Variants in ITGA9 observed in about 807,000 individuals in gnomAD.
ITGA9 encodes integrin alpha-9.
ITGA9 carries 56 observed loss-of-function variants against 127.8 expected under a neutral mutation model. The observed-to-expected ratio is 0.44, with a 90% CI of 0.35 to 0.55. ITGA9 has a LOEUF of 0.55. Ranked by LOEUF, ITGA9 falls within the 20% of genes least tolerant of loss-of-function variation. ITGA9 has a pLI of 0.00. For synonymous variants in ITGA9, 508 were observed against 514.5 expected (o/e 0.99, Z 0.17); for missense variants, 1,196 against 1,347.1 (o/e 0.89, Z 1.76).
chr3:37,497,322 T>C (rs1249588686), intron 5 of ITGA9, among the ~76,000 whole-genome samples: 1 of 128,100 alleles, frequency 7.8e-6, no homozygotes, highest in Non-Finnish European at 1.7e-5. Context: ...TGGCCAAATC[T>C]ATCAGTCTTT....
chr3:37,563,005 C>G (rs989628450), intron 15 of ITGA9, among the ~76,000 whole-genome samples: 2 of 146,632 alleles, frequency 1.4e-5, no homozygotes, highest in African/African-American at 2.4e-5. Flanking sequence ...TCATTTGTCT[C>G]CATATCCCCA....
intron 8 of ITGA9, among the ~76,000 whole-genome samples, chr3:37,509,727 G>A (rs74504496): frequency 0.038 from 5,773 of 152,156 alleles, 126 homozygotes; most frequent in Non-Finnish European, 0.05. Context: ...GAACTCTGCT[G>A]GCTTGTGTTA....
At chr3:37,721,892 G>T (rs973401718) in intron 18 of ITGA9, among the ~76,000 whole-genome samples, 9 of 152,108 alleles carry the variant, frequency 5.9e-5, no homozygotes, top group Non-Finnish European at 1.3e-4. Context: ...CCCCACCCCA[G>T]GCCCCGTCTG....
At chr3:37,791,080 G>A (rs564491870) in intron 26 of ITGA9, among the ~76,000 whole-genome samples, 2 of 152,214 alleles carry the variant, frequency 1.3e-5, no homozygotes, top group South Asian at 2.1e-4. Flanking sequence ...GTGAGGCTGA[G>A]GGGTGAAGGC....
At chr3:37,455,179 C>T (rs1429388219) in intron 1 of ITGA9, among the ~76,000 whole-genome samples, 2 of 152,146 alleles carry the variant, frequency 1.3e-5, no homozygotes, top group African/African-American at 4.8e-5. Flanking sequence ...GATTGTTGGT[C>T]GCTTACTCCT....
intron 15 of ITGA9, among the ~76,000 whole-genome samples, chr3:37,552,694 C>T (rs1699389801): frequency 6.6e-6 from 1 of 152,050 alleles, no homozygotes; most frequent in Non-Finnish European, 1.5e-5. Flanking sequence ...GTGTATGTTA[C>T]ACACACACAC....
intron 23 of ITGA9, among the ~76,000 whole-genome samples, chr3:37,760,666 C>T (rs1020733935): frequency 3.3e-5 from 5 of 151,904 alleles, no homozygotes; most frequent in Admixed American, 6.5e-5. Flanking sequence ...CAGAAAAAAA[C>T]AAACAAACAA....
chr3:37,511,962 CTCTT>C (rs770771146), intron 8 of ITGA9, among the ~76,000 whole-genome samples: 2,924 of 92,512 alleles, frequency 0.032, 293 homozygotes, highest in South Asian at 0.052. Flanking sequence ...AATGCTTTTT[CTCTT>C]TCTTTTCTTT....
rs1324391177 is a variant in ITGA9 at position 37,814,363 on chromosome 3, C to T, written c.3010-4528C>T. Among the ~76,000 whole-genome samples the T allele has an allele frequency of 6.6e-6, 1 of 152,148 alleles. No homozygotes were observed. Among genetic ancestry groups the T allele is most frequent in the Non-Finnish European group, 1.5e-5 (1 of 68,024 alleles). The stretch of plus-strand genomic sequence containing the variant: ...GGCGGATCATCTGAGGTCAGGAGTT[C>T]AAGATCAGCCTGGCCAACATGGTGA... On this transcript the variant is annotated intron_variant, in intron 27 of 27. Transcript: ENST00000264741. This position sits in a 1 kb window ranked among gnomAD's most constrained non-coding sequence, Gnocchi z 4.3.
chr3:37,811,335 T>C (rs1697365874), intron 27 of ITGA9, among the ~76,000 whole-genome samples: 1 of 152,118 alleles, frequency 6.6e-6, no homozygotes, highest in Non-Finnish European at 1.5e-5. Flanking sequence ...TTCAAGACAA[T>C]CATAAAGGCC....
At chr3:37,559,975 A>G (rs1172801331) in intron 15 of ITGA9, among the ~76,000 whole-genome samples, 2 of 151,902 alleles carry the variant, frequency 1.3e-5, no homozygotes, top group African/African-American at 2.4e-5. Flanking sequence ...ATTATGCTTT[A>G]ACTTCTAGGG....
intron 26 of ITGA9, among the ~76,000 whole-genome samples, chr3:37,791,577 G>A (rs1697110523): frequency 6.6e-6 from 1 of 152,190 alleles, no homozygotes. Flanking sequence ...GCTATCCCTG[G>A]CTTCTCTCTA....
intron 15 of ITGA9, among the ~76,000 whole-genome samples, chr3:37,582,594 T>G (rs1426761999): frequency 1.3e-5 from 2 of 152,228 alleles, no homozygotes; most frequent in Non-Finnish European, 2.9e-5. Context: ...AGTGGTGATG[T>G]TACTTATTGA....
intron 22 of ITGA9, 75 bp downstream of exon 22, chr3:37,744,109 G>T: frequency 1.0e-6 from 1 of 1,002,312 alleles, no homozygotes; most frequent in Non-Finnish European, 1.6e-6. Context: ...CCTACAGAGG[G>T]CTAAGCTCTT....
intron 1 of ITGA9, among the ~76,000 whole-genome samples, chr3:37,467,170 A>G (rs1698382160): frequency 6.6e-6 from 1 of 152,166 alleles, no homozygotes. Context: ...ATACAAGCAC[A>G]TTCCCGCGTG....
chr3:37,691,728 G>A (rs1700834171), intron 18 of ITGA9, among the ~76,000 whole-genome samples: 1 of 152,080 alleles, frequency 6.6e-6, no homozygotes. Context: ...TGTGTTTCAT[G>A]TTCTCCCCTT....
intron 27 of ITGA9, among the ~76,000 whole-genome samples, chr3:37,811,338 T>C (rs1262168235): frequency 6.6e-6 from 1 of 152,158 alleles, no homozygotes; most frequent in Non-Finnish European, 1.5e-5. Context: ...AAGACAATCA[T>C]AAAGGCCTGT....
At chr3:37,739,435 C>T (rs375455898) in intron 20 of ITGA9, among the ~76,000 whole-genome samples, 5 of 152,238 alleles carry the variant, frequency 3.3e-5, no homozygotes, top group Admixed American at 1.3e-4. Flanking sequence ...CCACACACAG[C>T]GCTTGACTCC....
At chr3:37,618,927 C>T (rs537729985) in intron 15 of ITGA9, among the ~76,000 whole-genome samples, 3 of 152,230 alleles carry the variant, frequency 2.0e-5, no homozygotes, top group Non-Finnish European at 4.4e-5. Context: ...GGTGATGCCT[C>T]GCCCTGCTTC....
Sources: allele counts gnomAD v4.1 joint callset (sites outside exome capture counted in the v4.1 genomes callset), GRCh38; gene constraint gnomAD v4.1.1; non-coding constraint Gnocchi (gnomAD v3.1); transcripts MANE v1.5; gene names NCBI Gene and HGNC (gene_info 2026-07-23, HGNC 2026-07-21).